NFASC: variants seen among roughly 807,000 people sequenced by gnomAD.
NFASC encodes the protein neurofascin, also known as neurofascin homolog.
Under a neutral mutation model 147.5 loss-of-function variants are expected in NFASC, and 43 were observed. That is an observed-to-expected ratio of 0.29 (90% CI 0.23 to 0.38). The LOEUF is 0.38. NFASC is among the 10% of genes least tolerant of loss of function. The pLI, the probability that NFASC is intolerant of heterozygous loss-of-function variation, is 1.00. For synonymous variants in NFASC, 622 were observed against 665.5 expected (o/e 0.93, Z 1.01); for missense variants, 1,320 against 1,689.0 (o/e 0.78, Z 3.83).
At chr1:205,009,446 G>T (rs529288910) in intron 27 of NFASC, 111 bp from the exon 28 acceptor site, 1 of 1,189,316 alleles carries the variant, frequency 8.4e-7, no homozygotes, top group Non-Finnish European at 1.3e-6. Context: ...GTAGTGTTAG[G>T]CTCCAGGAGA....
chr1:204,968,309 A>C lies in NFASC; in HGVS notation c.767A>C (p.Gln256Pro). The change falls in exon 9 of 30, where the codon CAG (glutamine) becomes CCG (proline). Residue 256 changes from glutamine to proline, a missense_variant. By Grantham distance (76) the Gln-to-Pro change is moderately conservative. Around this residue, in one of 3 missense-constraint regions of NFASC, gnomAD observed 981 missense variants for 1,289.5 expected, o/e 0.76. Transcript: ENST00000339876. This position sits in a 1 kb window ranked among gnomAD's most constrained non-coding sequence, Gnocchi z 5.4. ...TATCCCCAGGGCACCGCGAGCAGCC[A>C]GATGGTGCTTCGTGGCATGGACCTC... ...FMYPQGTASS[Q>P]MVLRGMDLLL... 1 of 1,614,218 alleles carries C rather than the reference A, an allele frequency of 6.2e-7. No homozygotes were observed. Among genetic ancestry groups the C allele is most frequent in the Non-Finnish European group, 8.5e-7 (1 of 1,180,020 alleles).
intron 2 of NFASC, among the ~76,000 whole-genome samples, chr1:204,924,609 T>A (rs2091159132): frequency 6.6e-6 from 1 of 152,102 alleles, no homozygotes; most frequent in Non-Finnish European, 1.5e-5. Context: ...CCAGAGGGGA[T>A]TTGGCTGGCC....
intron 17 of NFASC, 140 bp downstream of exon 17, chr1:204,977,865 C>T (rs1288176353): frequency 4.6e-6 from 3 of 651,812 alleles, no homozygotes; most frequent in Non-Finnish European, 7.8e-6. Flanking sequence ...ATGGGACCTC[C>T]TTTGAGTTGC....
chr1:205,009,108 A>C lies in NFASC; in HGVS notation c.3290-449A>C, dbSNP rs147754573. On this transcript the variant is annotated intron_variant, in intron 27 of 29. Coordinates refer to ENST00000339876, the MANE Select transcript of NFASC (RefSeq NM_001005388.3). ...GGTGTTCTCATAGCAGGTTTTTGCA[A>C]CGTGGCCACGGCCTGCACTCCCTGA... 758 of 254,986 alleles carry C rather than the reference A, an allele frequency of 3.0e-3. 3 individuals are homozygous for C. The highest frequency in any genetic ancestry group is 4.1e-3 in the Non-Finnish European group (521 of 128,300). 15.8% of individuals were successfully genotyped at this position (254,986 alleles called of 1,614,324 possible).
intron 25 of NFASC, 183 bp downstream of exon 25, chr1:204,997,589 C>G: frequency 1.4e-6 from 1 of 696,320 alleles, no homozygotes; most frequent in Non-Finnish European, 2.5e-6. Context: ...GCCTGGAGGC[C>G]CAGATCTCCC....
chr1:204,972,961 T>G (rs980458656), intron 11 of NFASC, among the ~76,000 whole-genome samples: 1 of 152,236 alleles, frequency 6.6e-6, no homozygotes, highest in African/African-American at 2.4e-5. Context: ...GGAAGTGATG[T>G]GGTTAGAACC....
At chr1:204,936,326 C>T (rs367873625) in intron 2 of NFASC, among the ~76,000 whole-genome samples, 5 of 150,970 alleles carry the variant, frequency 3.3e-5, no homozygotes, top group South Asian at 4.2e-4. Context: ...CTCAGCCTCC[C>T]GAGTAGCTGG....
intron 1 of NFASC, among the ~76,000 whole-genome samples, chr1:204,867,721 C>T (rs2077229904): frequency 6.6e-6 from 1 of 152,190 alleles, no homozygotes; most frequent in African/African-American, 2.4e-5. Flanking sequence ...CAGAGACACA[C>T]ATGCTATCTG....
At chr1:204,853,546 T>C (rs543691506) in intron 1 of NFASC, among the ~76,000 whole-genome samples, 2 of 152,204 alleles carry the variant, frequency 1.3e-5, no homozygotes, top group Non-Finnish European at 2.9e-5. Context: ...AACTGAAGCA[T>C]AGGGTTTATA....
At chr1:204,991,506 C>G (rs766679743) in intron 24 of NFASC, among the ~76,000 whole-genome samples, 200 bp downstream of exon 24, 6 of 152,354 alleles carry the variant, frequency 3.9e-5, no homozygotes, top group Non-Finnish European at 8.8e-5. Flanking sequence ...CACTTTCCCC[C>G]CTTCCCAAAC....
At chr1:204,914,545 A>G (rs999607039) in intron 1 of NFASC, among the ~76,000 whole-genome samples, 1 of 152,234 alleles carries the variant, frequency 6.6e-6, no homozygotes, top group Non-Finnish European at 1.5e-5. Flanking sequence ...GAAATTACCC[A>G]GTCTTGGGCA....
Position 205,016,645 on chromosome 1 carries a change from A to G in NFASC, c.*106A>G, listed in dbSNP as rs762027318. 5.0e-6 allele frequency: 4 copies of G among 803,970 alleles called. No individual in the cohort carries two copies. The Admixed American group carries it at 7.9e-5, about 16-fold the overall frequency. 49.8% of individuals were successfully genotyped at this position (803,970 alleles called of 1,614,324 possible). Reference sequence around the variant, plus strand: ...CGAAGCCACCACCACCTTCAGTAACAAGGGTACGATATGGGGGTCTGCCAA... The same window carrying G: ...CGAAGCCACCACCACCTTCAGTAACGAGGGTACGATATGGGGGTCTGCCAA... On this transcript the variant is annotated 3_prime_UTR_variant, in exon 30 of 30. Coordinates refer to ENST00000339876, the MANE Select transcript of NFASC (RefSeq NM_001005388.3). The surrounding 1 kb of genome is among the most constrained non-coding windows in gnomAD (Gnocchi z 5.1).
At position 204,979,055 on chromosome 1, in the gene NFASC, A is replaced by G. The variant is rs771396312; in HGVS notation, c.1964A>G (p.Asn655Ser). ...RLTWIPGDAN[N>S]SPITDYVVQF... ...ACCTGGATCCCCGGGGATGCTAACA[A>G]CAGCCCCATCACAGGTAGCTCAGGG... is the stretch of plus-strand genomic sequence containing the variant. Residue 655 changes from asparagine (N) to serine (S), a missense_variant, in exon 18 of 30, where the codon AAC becomes AGC. Physicochemically the swap from Asn to Ser is conservative, Grantham distance 46. Coordinates refer to ENST00000339876, the MANE Select transcript of NFASC (RefSeq NM_001005388.3). This position sits in a 1 kb window ranked among gnomAD's most constrained non-coding sequence, Gnocchi z 6.0. 5 of 1,560,298 alleles carry G rather than the reference A, an allele frequency of 3.2e-6. No individual in the cohort carries two copies. The South Asian group carries it at 4.7e-5, about 15-fold the overall frequency.
At chr1:204,843,242 G>A (rs759984620) in intron 1 of NFASC, among the ~76,000 whole-genome samples, 16 of 152,154 alleles carry the variant, frequency 1.1e-4, no homozygotes, top group Non-Finnish European at 2.4e-4. Context: ...GGACTACTCA[G>A]CAGTGGCTAA....
intron 1 of NFASC, among the ~76,000 whole-genome samples, chr1:204,898,725 T>C (rs1048329740): frequency 1.3e-5 from 2 of 151,922 alleles, no homozygotes; most frequent in African/African-American, 4.8e-5. Context: ...AGTCCAGACA[T>C]GTAAGGGTTG....
chr1:204,970,462 C>A (rs921780933), intron 10 of NFASC, among the ~76,000 whole-genome samples, 154 bp from the exon 11 acceptor site: 1 of 152,190 alleles, frequency 6.6e-6, no homozygotes, highest in Non-Finnish European at 1.5e-5. Flanking sequence ...CAGGCTGGAC[C>A]AAGTTATCCC....
At chr1:204,991,198 T>C in intron 23 of NFASC, 94 bp from the exon 24 acceptor site, 1 of 1,440,634 alleles carries the variant, frequency 6.9e-7, no homozygotes, top group Non-Finnish European at 9.6e-7. Flanking sequence ...TTCCCTGCTT[T>C]CCTTGTCCTG....
At chr1:204,893,810 A>T (rs924403486) in intron 1 of NFASC, among the ~76,000 whole-genome samples, 1 of 152,198 alleles carries the variant, frequency 6.6e-6, no homozygotes, top group African/African-American at 2.4e-5. Flanking sequence ...TAAGTCCATT[A>T]TACAGTAAAG....
At position 204,979,525 on chromosome 1, in the gene NFASC, C is replaced by G; in HGVS notation, c.2142C>G (p.Ser714Arg). 1 of 1,613,812 alleles carries G rather than the reference C, an allele frequency of 6.2e-7. No individual in the cohort carries two copies. Among genetic ancestry groups the G allele is most frequent in the Non-Finnish European group, 8.5e-7 (1 of 1,180,030 alleles). The stretch of plus-strand genomic sequence containing the variant: ...ACGAGGTTGGGAGCAGCCACCCCAG[C>G]CTCCCATCCGAGCGCTACCGAACCA... Reference protein sequence around the residue: ...AINEVGSSHPSLPSERYRTSG... With the variant: ...AINEVGSSHPRLPSERYRTSG... The change falls in exon 19 of 30, where the codon AGC becomes AGG. Residue 714 changes from serine to arginine, a missense_variant. Ser to Arg is a moderately radical substitution (Grantham distance 110). Around this residue, in one of 3 missense-constraint regions of NFASC, gnomAD observed 981 missense variants for 1,289.5 expected, o/e 0.76. Coordinates refer to ENST00000339876, the MANE Select transcript of NFASC (RefSeq NM_001005388.3). This position sits in a 1 kb window ranked among gnomAD's most constrained non-coding sequence, Gnocchi z 6.0.
Sources: gnomAD v4.1 joint callset for allele counts (sites outside exome capture counted in the v4.1 genomes callset) on GRCh38, gnomAD v4.1.1 for gene constraint, gnomAD v4.1.1 regional missense constraint, Gnocchi (gnomAD v3.1) non-coding constraint, MANE v1.5 for transcripts, NCBI Gene and HGNC (gene_info 2026-07-23, HGNC 2026-07-21) for gene names.